Variants in ARHGEF28 observed in about 807,000 individuals in gnomAD.
ARHGEF28 encodes Rho guanine nucleotide exchange factor 28, also known as 190 kDa guanine nucleotide exchange factor.
A neutral mutation model predicts 206.6 loss-of-function variants in ARHGEF28; 152 were observed. That is an observed-to-expected ratio of 0.74 (90% CI 0.64 to 0.84). The LOEUF (loss-of-function observed/expected upper bound fraction) is 0.84. Among genes scored for constraint, ARHGEF28 ranks in the 40% least tolerant of loss-of-function variants. ARHGEF28 has a pLI of 0.00. For missense variants in ARHGEF28, 2,028 were observed against 2,073.2 expected, an observed-to-expected ratio of 0.98 and a Z score of 0.42; for synonymous variants, 763 against 776.4, an observed-to-expected ratio of 0.98 and a Z score of 0.29.
At chr5:73,655,300 G>A (rs973658255) in intron 1 of ARHGEF28, among the ~76,000 whole-genome samples, 1 of 151,250 alleles carries the variant, frequency 6.6e-6, no homozygotes, top group Non-Finnish European at 1.5e-5. Context: ...TTTATGTGGA[G>A]ACTTACAAGA....
chr5:73,754,302 A>G (rs1752185921), intron 4 of ARHGEF28, among the ~76,000 whole-genome samples: 1 of 152,218 alleles, frequency 6.6e-6, no homozygotes, highest in Admixed American at 6.5e-5. Flanking sequence ...TCAGGGTCAC[A>G]CTAAAACTCT....
At chr5:73,930,091 C>A (rs1200620946) in intron 35 of ARHGEF28, among the ~76,000 whole-genome samples, 1 of 152,198 alleles carries the variant, frequency 6.6e-6, no homozygotes, top group African/African-American at 2.4e-5. Flanking sequence ...TTTTTATGCA[C>A]ATCTCCTTAG....
intron 9 of ARHGEF28, among the ~76,000 whole-genome samples, chr5:73,819,528 T>TGGATGGCA (rs1465321090): frequency 1.3e-5 from 2 of 152,316 alleles, no homozygotes; most frequent in East Asian, 3.9e-4. Flanking sequence ...TCTTCTTTCT[T>TGGATGGCA]GGATGGCAGT....
At chr5:73,876,999 C>G (rs1417766743) in intron 22 of ARHGEF28, among the ~76,000 whole-genome samples, 1 of 143,134 alleles carries the variant, frequency 7.0e-6, no homozygotes, top group African/African-American at 2.7e-5. Flanking sequence ...AGGAATGGTA[C>G]CAGTTCCTCC....
intron 9 of ARHGEF28, among the ~76,000 whole-genome samples, chr5:73,826,707 C>G (rs1756929094): frequency 6.6e-6 from 1 of 152,188 alleles, no homozygotes; most frequent in Non-Finnish European, 1.5e-5. Flanking sequence ...AGAAGGGAGG[C>G]ATCTGCAACT....
intron 1 of ARHGEF28, among the ~76,000 whole-genome samples, chr5:73,683,414 A>G (rs956757009): frequency 6.6e-6 from 1 of 151,782 alleles, no homozygotes; most frequent in Non-Finnish European, 1.5e-5. Flanking sequence ...TGTCAAACTC[A>G]TGTTTGATTA....
chr5:73,915,620 A>T (rs991744813), intron 35 of ARHGEF28, among the ~76,000 whole-genome samples: 1 of 152,200 alleles, frequency 6.6e-6, no homozygotes, highest in Non-Finnish European at 1.5e-5. Flanking sequence ...CAACAGCATT[A>T]CTCTGAAAGG....
chr5:73,638,955 C>CT (rs1743891668), intron 1 of ARHGEF28, among the ~76,000 whole-genome samples: 1 of 151,864 alleles, frequency 6.6e-6, no homozygotes, highest in South Asian at 2.1e-4. Context: ...GTTCTTTTTC[C>CT]TTTTTTCCCT....
chr5:73,908,699 T>G (rs1456154477), intron 33 of ARHGEF28: 1 of 152,200 alleles, frequency 6.6e-6, no homozygotes, highest in Non-Finnish European at 1.5e-5. Flanking sequence ...TATTTTCCCT[T>G]AATCATTTCA....
At chr5:73,914,691 C>T (rs1763108648) in intron 35 of ARHGEF28, among the ~76,000 whole-genome samples, 1 of 152,012 alleles carries the variant, frequency 6.6e-6, no homozygotes, top group South Asian at 2.1e-4. Context: ...GGCACCACAC[C>T]CGGGCTAAAT....
At chr5:73,723,620 G>A (rs1750097138) in intron 2 of ARHGEF28, among the ~76,000 whole-genome samples, 1 of 152,144 alleles carries the variant, frequency 6.6e-6, no homozygotes, top group Non-Finnish European at 1.5e-5. Flanking sequence ...AATGAAGGGG[G>A]AAGAAAAGAA....
chr5:73,655,420 C>T (rs897439365), intron 1 of ARHGEF28, among the ~76,000 whole-genome samples: 1 of 152,188 alleles, frequency 6.6e-6, no homozygotes. Flanking sequence ...TTCACAGAGA[C>T]CTTTAACACA....
intron 7 of ARHGEF28, among the ~76,000 whole-genome samples, chr5:73,789,512 A>G (rs1230491595): frequency 2.0e-5 from 3 of 152,154 alleles, no homozygotes; most frequent in Admixed American, 6.6e-5. Context: ...GCAGAACTCA[A>G]TATACTAAAA....
Position 73,916,630 on chromosome 5 carries a change from C to G in ARHGEF28, c.4948+5055C>G, listed in dbSNP as rs576949225. Among the ~76,000 whole-genome samples, 12 of 152,234 alleles carry G rather than the reference C, an allele frequency of 7.9e-5. No individual in the cohort carries two copies. The South Asian group carries it at 2.3e-3, about 29-fold the overall frequency. ...GGATTAGGGCCCACCATAATGACCT[C>G]AATTAACTTTATTCTTTAAAGCTGT... On this transcript the variant is annotated intron_variant, in intron 35 of 35. Coordinates refer to ENST00000513042, the MANE Select transcript of ARHGEF28 (RefSeq NM_001177693.2).
At chr5:73,833,316 G>A (rs1459213022) in intron 10 of ARHGEF28, among the ~76,000 whole-genome samples, 3 of 151,162 alleles carry the variant, frequency 2.0e-5, no homozygotes, top group East Asian at 2.0e-4. Context: ...TAGTATGCAT[G>A]TATTTTACCC....
intron 35 of ARHGEF28, among the ~76,000 whole-genome samples, chr5:73,936,346 A>G (rs1176496676): frequency 6.6e-6 from 1 of 152,148 alleles, no homozygotes; most frequent in African/African-American, 2.4e-5. Flanking sequence ...TGTTCTTAGG[A>G]AGACTGAAGA....
At chr5:73,830,560 G>GAAAAAAAAAAAAAAAAAAAAA (rs57559151) in intron 9 of ARHGEF28, among the ~76,000 whole-genome samples, 2 of 127,188 alleles carry the variant, frequency 1.6e-5, no homozygotes, top group Non-Finnish European at 1.7e-5. Context: ...CTCAAAAAAA[G>GAAAAAAAAAAAAAAAAAAAAA]AAAAAAAAAA....
At chr5:73,892,533 C>G (rs1049269350) in intron 27 of ARHGEF28, among the ~76,000 whole-genome samples, 1 of 152,202 alleles carries the variant, frequency 6.6e-6, no homozygotes, top group Non-Finnish European at 1.5e-5. Context: ...TTCTTTAACA[C>G]CTGCTCACTA....
In ARHGEF28 at chr5:73,882,485, A is replaced by T; in HGVS notation, c.2828A>T (p.Asn943Ile). The change falls in exon 23 of 36, where the codon AAT becomes ATT. Residue 943 changes from asparagine (N) to isoleucine (I), a missense_variant. By Grantham distance (149) the Asn-to-Ile change is moderately radical. Transcript: ENST00000513042. The stretch of plus-strand genomic sequence containing the variant: ...TTATTCTTCCAGTTTTCAGAAGAAA[A>T]TGCAAGTAAAATGAAGAAAATATAT... ...DILVQQFSEE[N>I]ASKMKKIYGE... 6.9e-7 allele frequency: 1 copy of T among 1,451,024 alleles called. No homozygotes were observed. Among genetic ancestry groups the T allele is most frequent in the South Asian group, 1.4e-5 (1 of 71,778 alleles). 89.9% of individuals were successfully genotyped at this position (1,451,024 alleles called of 1,614,324 possible). A position where few individuals can be genotyped will look rare whatever the true frequency, so the allele number is the denominator to read the frequency against.
Sources: allele counts gnomAD v4.1 joint callset (sites outside exome capture counted in the v4.1 genomes callset), GRCh38; gene constraint gnomAD v4.1.1; transcripts MANE v1.5; gene names NCBI Gene and HGNC (gene_info 2026-07-23, HGNC 2026-07-21).